Variants in TTLL6 observed in about 807,000 individuals in gnomAD.
TTLL6 encodes the protein tubulin tyrosine ligase like 6.
Under a neutral mutation model 96.4 loss-of-function variants are expected in TTLL6, and 75 were observed. That is an observed-to-expected ratio of 0.78 (90% confidence interval 0.65 to 0.94). TTLL6 has a LOEUF of 0.94. TTLL6 is among the 40% of genes least tolerant of loss of function. TTLL6 has a pLI of 0.00. For synonymous variants in TTLL6, 411 were observed against 419.4 expected (o/e 0.98, Z 0.24); for missense variants, 1,030 against 1,093.0 (o/e 0.94, Z 0.81).
intron 15 of TTLL6, among the ~76,000 whole-genome samples, chr17:48,768,353 C>T (rs1446089280): frequency 6.6e-6 from 1 of 152,212 alleles, no homozygotes; most frequent in Non-Finnish European, 1.5e-5. Flanking sequence ...TCACTGCAAC[C>T]TCTCCCTCCC....
chr17:48,803,657 A>G (rs1169561079), intron 3 of TTLL6, among the ~76,000 whole-genome samples: 1 of 152,230 alleles, frequency 6.6e-6, no homozygotes, highest in Admixed American at 6.5e-5. Context: ...CCAAATCACT[A>G]TATATAAGAA....
rs77420286 is a variant in TTLL6, at chr17:48,781,139, C to T, written c.2040+3784G>A. Among the ~76,000 whole-genome samples, 1,495 of 152,018 alleles carry T rather than the reference C, an allele frequency of 9.8e-3. 28 individuals carry two copies. The highest frequency in any genetic ancestry group is 0.093 in the South Asian group (447 of 4,802). On this transcript the variant is annotated intron_variant, in intron 13 of 15. Coordinates refer to ENST00000393382, the MANE Select transcript of TTLL6 (RefSeq NM_001130918.3). ...CTTGGCTCACTGTAAACCTGCCTCC[C>T]GGGTTCAAGCAATTCTCCTGCCTCA...
rs566687946 is a variant in TTLL6 at position 48,816,958 on chromosome 17, G to C, written c.103+12C>G. On this transcript the variant is annotated intron_variant, in intron 1 of 15. Coordinates refer to ENST00000393382, the MANE Select transcript of TTLL6 (RefSeq NM_001130918.3). ...GGTCTGGAGCCAGCACCGGGCTTTG[G>C]GGCGCTCTTACCCGCAATTCCTACT... 2.0e-6 allele frequency: 3 copies of C among 1,523,088 alleles called. No individual in the cohort carries two copies. The highest frequency in any genetic ancestry group is 2.6e-6 in the Non-Finnish European group (3 of 1,137,060). The allele number at this position is 1,523,088 out of a possible 1,614,324, so 94.3% of individuals were successfully genotyped here.
chr17:48,774,267 C>T (rs1203997881), intron 13 of TTLL6, among the ~76,000 whole-genome samples: 1 of 127,068 alleles, frequency 7.9e-6, no homozygotes, highest in African/African-American at 3.1e-5. Context: ...CGGAGTCTCG[C>T]TCTGTCGCCC....
At chr17:48,810,830 T>C (rs1330297139) in intron 1 of TTLL6, among the ~76,000 whole-genome samples, 2 of 117,602 alleles carry the variant, frequency 1.7e-5, no homozygotes, top group Admixed American at 8.3e-5. Context: ...TGTGTGTATA[T>C]ATATATATAT....
At chr17:48,804,556 G>C in intron 2 of TTLL6, 1 of 672,768 alleles carries the variant, frequency 1.5e-6, no homozygotes, top group Non-Finnish European at 2.7e-6. Flanking sequence ...TTAGGACAAG[G>C]CATGGTTTTT....
At chr17:48,778,929 CAA>C (rs71144525) in intron 13 of TTLL6, among the ~76,000 whole-genome samples, 73 of 112,422 alleles carry the variant, frequency 6.5e-4, no homozygotes, top group East Asian at 5.1e-3. Flanking sequence ...GACTCCATCT[CAA>C]AAAAAAAAAA....
At chr17:48,814,851 C>T (rs2039645315) in intron 1 of TTLL6, among the ~76,000 whole-genome samples, 1 of 152,218 alleles carries the variant, frequency 6.6e-6, no homozygotes, top group African/African-American at 2.4e-5. Context: ...ACGATCTCAG[C>T]TCACCGCAAC....
At chr17:48,777,934 A>G (rs558473098) in intron 13 of TTLL6, among the ~76,000 whole-genome samples, 1 of 151,944 alleles carries the variant, frequency 6.6e-6, no homozygotes, top group South Asian at 2.1e-4. Context: ...ATAGGAGAAC[A>G]TATTTGTGAC....
intron 6 of TTLL6, among the ~76,000 whole-genome samples, chr17:48,797,928 A>T (rs2039348043): frequency 6.6e-6 from 1 of 151,650 alleles, no homozygotes; most frequent in Non-Finnish European, 1.5e-5. Flanking sequence ...ACAAAGTGAG[A>T]CCTTTTCTCT....
chr17:48,772,336 T>C (rs977943913), intron 13 of TTLL6, among the ~76,000 whole-genome samples: 1 of 151,770 alleles, frequency 6.6e-6, no homozygotes, highest in Non-Finnish European at 1.5e-5. Context: ...ATTAAAATAA[T>C]AGATAAATAA....
At chr17:48,803,099 G>A (rs1363200287) in intron 3 of TTLL6, among the ~76,000 whole-genome samples, 1 of 152,126 alleles carries the variant, frequency 6.6e-6, no homozygotes, top group Non-Finnish European at 1.5e-5. Flanking sequence ...GAGCCCAGGA[G>A]GCAGAGGTTG....
intron 1 of TTLL6, among the ~76,000 whole-genome samples, chr17:48,807,596 C>T (rs2039522588): frequency 6.6e-6 from 1 of 152,032 alleles, no homozygotes; most frequent in Non-Finnish European, 1.5e-5. Flanking sequence ...ACTGCAACCT[C>T]TGCCTCCTGG....
In TTLL6 at chr17:48,789,962, A is replaced by G; in HGVS notation, c.1369T>C (p.Phe457Leu). 1 of 1,614,172 alleles carries G rather than the reference A, an allele frequency of 6.2e-7. No homozygotes were observed. The highest frequency in any genetic ancestry group is 8.5e-7 in the Non-Finnish European group (1 of 1,180,040). ...VLEEERQRGQFLQQCCSREMR... is the reference protein window; with the variant it reads ...VLEEERQRGQLLQQCCSREMR... ...TCCCGAGAACAACACTGCTGCAGGA[A>G]CTGCCCCCGTTGTCTCTCCTCCTCC... The change falls in exon 10 of 16, where the codon TTC (phenylalanine) becomes CTC (leucine). Residue 457 changes from phenylalanine (F) to leucine (L), a missense_variant. By Grantham distance (22) the Phe-to-Leu change is conservative. Coordinates refer to ENST00000393382, the MANE Select transcript of TTLL6 (RefSeq NM_001130918.3).
Position 48,813,280 on chromosome 17 carries a change from G to A in TTLL6, c.103+3690C>T, listed in dbSNP as rs181355140. Reference sequence around the variant, plus strand: ...TCTCTTAAGAGTCAGTTGGGGACAGGCACGATGGCTCATGCCTGTAATCTC... The same window carrying A: ...TCTCTTAAGAGTCAGTTGGGGACAGACACGATGGCTCATGCCTGTAATCTC... On this transcript the variant is annotated intron_variant, in intron 1 of 15. Coordinates refer to ENST00000393382, the MANE Select transcript of TTLL6 (RefSeq NM_001130918.3). Among the ~76,000 whole-genome samples, 15 of 152,336 alleles carry A rather than the reference G, an allele frequency of 9.8e-5. No individual in the cohort carries two copies. The East Asian group carries it at 2.7e-3, about 27-fold the overall frequency.
chr17:48,800,890 G>A (rs949625606), intron 5 of TTLL6, among the ~76,000 whole-genome samples: 29 of 152,066 alleles, frequency 1.9e-4, no homozygotes, highest in Admixed American at 1.4e-3. Context: ...GCTCCTAACC[G>A]GGGTGCTAAC....
At chr17:48,770,761 C>T (rs764422549) in intron 13 of TTLL6, among the ~76,000 whole-genome samples, 3 of 151,828 alleles carry the variant, frequency 2.0e-5, no homozygotes, top group Non-Finnish European at 2.9e-5. Flanking sequence ...GATCGGCCCA[C>T]CTCAGCCTCC....
At chr17:48,815,944 T>C (rs896216900) in intron 1 of TTLL6, 3 of 152,308 alleles carry the variant, frequency 2.0e-5, no homozygotes, top group East Asian at 1.9e-4. Context: ...GACAGATGGA[T>C]CTGGATCCAA....
intron 15 of TTLL6, among the ~76,000 whole-genome samples, chr17:48,763,551 C>G (rs1049554663): frequency 2.0e-5 from 3 of 152,140 alleles, no homozygotes; most frequent in Non-Finnish European, 2.9e-5. Flanking sequence ...AATCCCAGCT[C>G]TTTGGGAGGC....
Sources: allele counts gnomAD v4.1 joint callset (sites outside exome capture counted in the v4.1 genomes callset), GRCh38; gene constraint gnomAD v4.1.1; transcripts MANE v1.5; gene names NCBI Gene and HGNC (gene_info 2026-07-23, HGNC 2026-07-21).